Variants in DIMT1 observed in about 807,000 individuals in gnomAD.
DIMT1 encodes the protein dimethyladenosine transferase.
Under a neutral mutation model 43.2 loss-of-function variants are expected in DIMT1, and 36 were observed. The ratio of observed to expected loss-of-function variants is 0.83; its 90% confidence interval spans 0.64 to 1.10. DIMT1 has a LOEUF of 1.10. DIMT1 is among the 50% of genes least tolerant of loss of function. DIMT1 has a pLI of 0.00. For missense variants in DIMT1, 341 were observed against 385.3 expected (o/e 0.88, Z 0.96); for synonymous variants, 126 against 130.3 (o/e 0.97, Z 0.22).
In DIMT1 at chr5:62,398,531, C is replaced by A; in HGVS notation, c.426G>T (p.Leu142Phe). 6.2e-7 allele frequency: 1 copy of A among 1,612,724 alleles called. No homozygotes were observed. The highest frequency in any genetic ancestry group is 8.5e-7 in the Non-Finnish European group (1 of 1,178,814). The part of the protein sequence containing the change: ...QISSPFVFKL[L>F]LHRPFFRCAI... ...CAAACCTGAAAAAAGGTCGATGTAG[C>A]AACAGCTTGAAGACAAAAGGTGAAG... The change falls in exon 6 of 12, where the codon TTG becomes TTT. Residue 142 changes from leucine to phenylalanine, a missense_variant. Leu to Phe is a conservative substitution (Grantham distance 22). Coordinates refer to ENST00000199320, the MANE Select transcript of DIMT1 (RefSeq NM_014473.4).
At chr5:62,394,743 CTTTT>C in intron 6 of DIMT1, 136 bp from the exon 7 acceptor site, 1 of 1,230,716 alleles carries the variant, frequency 8.1e-7, no homozygotes, top group Non-Finnish European at 1.1e-6. Flanking sequence ...CACATTCAGC[CTTTT>C]TTTTATTGCC....
chr5:62,393,205 T>C (rs1241515316), intron 8 of DIMT1, among the ~76,000 whole-genome samples: 2 of 152,196 alleles, frequency 1.3e-5, no homozygotes, highest in Non-Finnish European at 2.9e-5. Flanking sequence ...AATATGTCTT[T>C]TCCTCAGAAT....
At position 62,388,834 on chromosome 5, in the gene DIMT1, T is replaced by G. The variant is rs992067259; in HGVS notation, c.*176A>C. ...ATTATATATTAAAAACTTTGATACTTAGAACTTTCCAACTTTAAAATTCAG... is the reference window on the plus strand; with the variant it reads ...ATTATATATTAAAAACTTTGATACTGAGAACTTTCCAACTTTAAAATTCAG... On this transcript the variant is annotated 3_prime_UTR_variant, in exon 12 of 12. Transcript: ENST00000199320. 26 of 640,388 alleles carry G rather than the reference T, an allele frequency of 4.1e-5. No individual in the cohort carries two copies. The highest frequency in any genetic ancestry group is 1.8e-5 in the African/African-American group (1 of 54,098). The allele number at this position is 640,388 out of a possible 1,614,324, so 39.7% of individuals were successfully genotyped here.
intron 6 of DIMT1, among the ~76,000 whole-genome samples, chr5:62,395,637 T>C (rs770503922): frequency 2.6e-5 from 4 of 152,210 alleles, no homozygotes; most frequent in Admixed American, 1.3e-4. Flanking sequence ...CACTAGTTTT[T>C]GACTTGCAGT....
At chr5:62,396,139 G>GTTTTTTTTTGTTTTTTTTTTTTTTT (rs1742480596) in intron 6 of DIMT1, among the ~76,000 whole-genome samples, 1 of 116,746 alleles carries the variant, frequency 8.6e-6, no homozygotes, top group Non-Finnish European at 1.7e-5. Context: ...GTCACTGCAG[G>GTTTTTTTTTGTTTTTTTTTTTTTTT]TTTTTTTTTT....
intron 6 of DIMT1, 178 bp downstream of exon 6, chr5:62,398,333 C>A: frequency 1.6e-6 from 1 of 619,812 alleles, no homozygotes; most frequent in Non-Finnish European, 2.9e-6. Flanking sequence ...GGACTTCCAG[C>A]ACACTACCCC....
chr5:62,392,479 G>T lies in DIMT1; in HGVS notation c.729-245C>A, dbSNP rs1227743258. ...TCCTAATACCTCTTAAATTCTTAGA[G>T]AAGTTCTAGACTCTCCACAAAAAAT... On this transcript the variant is annotated intron_variant, in intron 9 of 11. Coordinates refer to ENST00000199320, the MANE Select transcript of DIMT1 (RefSeq NM_014473.4). 2.6e-5 allele frequency among the ~76,000 whole-genome samples: 4 copies of T among 151,140 alleles called. No homozygotes were observed. In the East Asian group the frequency reaches 7.8e-4, roughly 29 times the overall value.
Position 62,388,805 on chromosome 5 carries a change from C to T in DIMT1, c.*205G>A. The T allele has an allele frequency of 1.7e-6, 1 of 584,204 alleles. No individual in the cohort carries two copies. Among genetic ancestry groups the T allele is most frequent in the South Asian group, 2.1e-5 (1 of 46,766 alleles). The allele number at this position is 584,204 out of a possible 1,614,324, so 36.2% of individuals were successfully genotyped here. Reference sequence around the variant, plus strand: ...GAAGATTATTATGAATAGATTGGACCAGCATTATATATTAAAAACTTTGAT... The same window carrying T: ...GAAGATTATTATGAATAGATTGGACTAGCATTATATATTAAAAACTTTGAT... On this transcript the variant is annotated 3_prime_UTR_variant, in exon 12 of 12. Coordinates refer to ENST00000199320, the MANE Select transcript of DIMT1 (RefSeq NM_014473.4).
At chr5:62,398,591 A>G in intron 5 of DIMT1, 31 bp from the exon 6 acceptor site, 1 of 1,612,942 alleles carries the variant, frequency 6.2e-7, no homozygotes, top group Non-Finnish European at 8.5e-7. Flanking sequence ...TATTTCCGGG[A>G]AAGACACATC....
At chr5:62,395,266 C>T (rs1342923986) in intron 6 of DIMT1, among the ~76,000 whole-genome samples, 16 of 152,040 alleles carry the variant, frequency 1.1e-4, no homozygotes, top group Non-Finnish European at 2.4e-4. Flanking sequence ...CTCAGGTGAT[C>T]CGCCCACCTC....
intron 11 of DIMT1, among the ~76,000 whole-genome samples, chr5:62,389,712 C>T (rs990153249): frequency 2.6e-5 from 4 of 152,064 alleles, no homozygotes; most frequent in African/African-American, 9.7e-5. Context: ...AGATGAAAAA[C>T]CAATCTTACA....
chr5:62,393,051 C>G, intron 8 of DIMT1, 61 bp from the exon 9 acceptor site: 1 of 1,123,530 alleles, frequency 8.9e-7, no homozygotes, highest in South Asian at 1.3e-5. Flanking sequence ...TCTATGCCCA[C>G]TAGGTATTAT....
In DIMT1 at chr5:62,398,638, G is replaced by T; in HGVS notation, c.396+8C>A. ...TAGTATGATGTTCCTGAAAATGTGA[G>T]GACATACCTGATAAGGCAAATTTGC... On this transcript the variant is annotated splice_region_variant and intron_variant, in intron 5 of 11. Transcript: ENST00000199320. 6.2e-7 allele frequency: 1 copy of T among 1,614,120 alleles called. No individual in the cohort carries two copies. Among genetic ancestry groups the T allele is most frequent in the Non-Finnish European group, 8.5e-7 (1 of 1,179,974 alleles).
Position 62,403,706 on chromosome 5 carries a change from T to G in DIMT1, c.67A>C (p.Lys23Gln), listed in dbSNP as rs772040656. The G allele has an allele frequency of 1.6e-5, 25 of 1,609,238 alleles. No homozygotes were observed. The highest frequency in any genetic ancestry group is 2.1e-5 in the Non-Finnish European group (25 of 1,178,590). ...RGRQEQRREL[K>Q]SAGGLMFNTG... ...CGGGGATCCGCACCTCCAGCGCTCT[T>G]CAGCTCCCGGCGCTGCTCCTGCCGC... is the stretch of plus-strand genomic sequence containing the variant. The change falls in exon 1 of 12, where the codon AAG becomes CAG. Residue 23 changes from lysine to glutamine, a missense_variant. Physicochemically the swap from Lys to Gln is moderately conservative, Grantham distance 53. Transcript: ENST00000199320.
intron 8 of DIMT1, among the ~76,000 whole-genome samples, chr5:62,393,483 A>G (rs1378718940): frequency 3.3e-5 from 5 of 152,220 alleles, no homozygotes; most frequent in Non-Finnish European, 7.3e-5. Flanking sequence ...GATTCAAAAC[A>G]GACATGACTT....
intron 6 of DIMT1, among the ~76,000 whole-genome samples, chr5:62,397,099 A>G (rs1742522501): frequency 6.6e-6 from 1 of 151,970 alleles, no homozygotes; most frequent in Non-Finnish European, 1.5e-5. Context: ...ATAGGTGCCC[A>G]CCACAATGCC....
At chr5:62,390,501 A>T (rs1742251585) in intron 11 of DIMT1, among the ~76,000 whole-genome samples, 1 of 152,166 alleles carries the variant, frequency 6.6e-6, no homozygotes, top group Non-Finnish European at 1.5e-5. Flanking sequence ...ATCCAGTTAC[A>T]TGTATTATGA....
intron 5 of DIMT1, 29 bp from the exon 6 acceptor site, chr5:62,398,589 G>C: frequency 6.2e-7 from 1 of 1,612,890 alleles, no homozygotes; most frequent in Non-Finnish European, 8.5e-7. Context: ...GTTATTTCCG[G>C]GAAAGACACA....
chr5:62,393,586 G>A (rs368976092), intron 8 of DIMT1, among the ~76,000 whole-genome samples: 3 of 152,108 alleles, frequency 2.0e-5, no homozygotes, highest in African/African-American at 7.2e-5. Context: ...ACACAATCAC[G>A]TTTTTCTCTA....
Sources: allele counts gnomAD v4.1 joint callset (sites outside exome capture counted in the v4.1 genomes callset), GRCh38; gene constraint gnomAD v4.1.1; transcripts MANE v1.5; gene names NCBI Gene and HGNC (gene_info 2026-07-23, HGNC 2026-07-21).